Variants in AARS1 observed in about 807,000 individuals in gnomAD.
The protein encoded by AARS1 is alanyl-tRNA synthetase 1.
In AARS1, 72 loss-of-function variants were observed where a neutral mutation model predicts 108.9. The observed-to-expected ratio is 0.66, with a 90% CI of 0.55 to 0.80. AARS1 has a LOEUF of 0.80. Among genes scored for constraint, AARS1 ranks in the 30% least tolerant of loss-of-function variants. The pLI is 0.00. For synonymous variants in AARS1, 489 were observed against 465.7 expected, an observed-to-expected ratio of 1.05 and a Z score of -0.64; for missense variants, 1,193 against 1,233.2, an observed-to-expected ratio of 0.97 and a Z score of 0.49.
chr16:70,259,307 T>G (rs1291522280), intron 13 of AARS1, 121 bp from the exon 14 acceptor site: 4 of 1,065,646 alleles, frequency 3.8e-6, no homozygotes, highest in East Asian at 5.0e-5. Flanking sequence ...GAATAAAGGT[T>G]ACATTTCCCA....
At chr16:70,262,601 G>T in intron 11 of AARS1, 77 bp from the exon 12 acceptor site, 1 of 1,436,766 alleles carries the variant, frequency 7.0e-7, no homozygotes, top group East Asian at 2.4e-5. Context: ...ACTTTTGCTG[G>T]ATTCTCTTTC....
At chr16:70,271,616 A>C (rs1170227916) in intron 5 of AARS1, among the ~76,000 whole-genome samples, 165 bp downstream of exon 5, 1 of 152,188 alleles carries the variant, frequency 6.6e-6, no homozygotes, top group African/African-American at 2.4e-5. Flanking sequence ...ATGTGCGATA[A>C]GGTTTAGTTC....
At chr16:70,255,939 G>C in intron 15 of AARS1, 103 bp from the exon 16 acceptor site, 1 of 1,064,118 alleles carries the variant, frequency 9.4e-7, no homozygotes, top group Non-Finnish European at 1.4e-6. Context: ...TTGACAGTCA[G>C]GGAAAGCCTG....
At chr16:70,286,474 C>T (rs965234047) in intron 1 of AARS1, among the ~76,000 whole-genome samples, 2 of 151,702 alleles carry the variant, frequency 1.3e-5, no homozygotes, top group Non-Finnish European at 2.9e-5. Context: ...GTTCCTCCCA[C>T]CTCAGCCTCC....
chr16:70,276,530 G>A lies in AARS1; in HGVS notation c.435C>T (p.Gly145=). The change falls in exon 4 of 21, where the codon GGC becomes GGT. Residue 145 remains glycine (G), a synonymous_variant. Coordinates refer to ENST00000261772, the MANE Select transcript of AARS1 (RefSeq NM_001605.3). ...GTTTGCATTCCAGATCTGCTTCTAA[G>A]CCAGCTGCTTCATCCCCGCCAAAGT... ...VTYFGGDEAA[G]LEADLECKQI... 1 of 1,614,052 alleles carries A rather than the reference G, an allele frequency of 6.2e-7. No homozygotes were observed. Among genetic ancestry groups the A allele is most frequent in the Non-Finnish European group, 8.5e-7 (1 of 1,180,022 alleles).
chr16:70,277,691 A>G (rs1480931114), intron 2 of AARS1, among the ~76,000 whole-genome samples: 1 of 150,868 alleles, frequency 6.6e-6, no homozygotes, highest in Non-Finnish European at 1.5e-5. Flanking sequence ...TTATTTGTTA[A>G]CTTTGTTTTA....
chr16:70,265,624 G>C lies in AARS1; in HGVS notation c.1261C>G (p.Pro421Ala), dbSNP rs1157450521. The C allele has an allele frequency of 3.7e-6, 6 of 1,613,864 alleles. No homozygotes were observed. The highest frequency in any genetic ancestry group is 1.7e-5 in the Admixed American group (1 of 59,984). ...GCAATCAGTCCAGTCAGATCCACTGGAAACCCATAGGTGTCATAGAGGAGC... is the reference window on the plus strand; with the variant it reads ...GCAATCAGTCCAGTCAGATCCACTGCAAACCCATAGGTGTCATAGAGGAGC... ...AWLLYDTYGF[P>A]VDLTGLIAEE... The change falls in exon 10 of 21, where the codon CCA (proline) becomes GCA (alanine). Residue 421 changes from proline to alanine, a missense_variant. Transcript: ENST00000261772.
At position 70,268,387 on chromosome 16, in the gene AARS1, A is replaced by C; in HGVS notation, c.963-8T>G. On this transcript the variant is annotated splice_region_variant and splice_polypyrimidine_tract_variant and intron_variant, in intron 7 of 20. Transcript: ENST00000261772. ...ATCCGTCTCAACACATATCTGTAAG[A>C]GGCAAAAACTAGTCCCCAACGTTCC... 1 of 1,613,610 alleles carries C rather than the reference A, an allele frequency of 6.2e-7. No individual in the cohort carries two copies. The highest frequency in any genetic ancestry group is 8.5e-7 in the Non-Finnish European group (1 of 1,179,516).
At chr16:70,268,441 G>C in intron 7 of AARS1, 62 bp from the exon 8 acceptor site, 1 of 1,429,522 alleles carries the variant, frequency 7.0e-7, no homozygotes, top group East Asian at 2.3e-5. Context: ...TGAGTCCCTT[G>C]GAATCCTACC....
chr16:70,271,649 GT>G (rs1960406052), intron 5 of AARS1, 131 bp downstream of exon 5: 1 of 918,796 alleles, frequency 1.1e-6, no homozygotes, highest in Non-Finnish European at 1.7e-6. Context: ...GCCCATCCTT[GT>G]TCCAGAGATC....
chr16:70,272,291 G>A (rs1166745670), intron 4 of AARS1, among the ~76,000 whole-genome samples: 4 of 151,506 alleles, frequency 2.6e-5, no homozygotes, highest in Admixed American at 1.3e-4. Flanking sequence ...GATCACCTGA[G>A]GTTGGGAGTT....
intron 2 of AARS1, among the ~76,000 whole-genome samples, chr16:70,278,355 C>T (rs945606944): frequency 4.0e-5 from 6 of 151,882 alleles, no homozygotes; most frequent in African/African-American, 1.2e-4. Flanking sequence ...CACCTGAGGT[C>T]GGGAGTTCGA....
chr16:70,271,022 T>G (rs960426622), intron 5 of AARS1, among the ~76,000 whole-genome samples: 2 of 150,430 alleles, frequency 1.3e-5, no homozygotes, highest in African/African-American at 2.4e-5. Flanking sequence ...CATGGTGGCA[T>G]GCACCTGTAA....
In AARS1 at chr16:70,289,425, C is replaced by CT. The variant is rs1064794091; in HGVS notation, c.-27_-26insA. On this transcript the variant is annotated 5_prime_UTR_variant, in exon 1 of 21. Coordinates refer to ENST00000261772, the MANE Select transcript of AARS1 (RefSeq NM_001605.3). ...AGCTCTCCGAGGGCGGCCTACCTCT[C>CT]CTAGGGTCGCCGTCCCCAGCTCCTC... 65 of 402,428 alleles carry CT rather than the reference C, an allele frequency of 1.6e-4. No individual in the cohort carries two copies. The highest frequency in any genetic ancestry group is 2.9e-4 in the Non-Finnish European group (58 of 199,956). The allele number at this position is 402,428 out of a possible 1,614,324, so 24.9% of individuals were successfully genotyped here.
intron 1 of AARS1, among the ~76,000 whole-genome samples, chr16:70,286,485 G>A (rs1042841612): frequency 6.6e-6 from 1 of 151,016 alleles, no homozygotes; most frequent in Non-Finnish European, 1.5e-5. Context: ...CTCAGCCTCC[G>A]GAGTAGCTAG....
intron 2 of AARS1, 116 bp from the exon 3 acceptor site, chr16:70,277,270 T>C (rs953798605): frequency 1.1e-5 from 12 of 1,110,554 alleles, no homozygotes; most frequent in Non-Finnish European, 1.6e-5. Flanking sequence ...TTAACATGCC[T>C]GGAATATAGA....
At chr16:70,283,919 GCT>G (rs1240334082) in intron 1 of AARS1, among the ~76,000 whole-genome samples, 5 of 152,128 alleles carry the variant, frequency 3.3e-5, no homozygotes, top group African/African-American at 1.2e-4. Context: ...TGACTTCAAA[GCT>G]CTTTCACAAG....
At chr16:70,270,901 C>T (rs1355059311) in intron 5 of AARS1, among the ~76,000 whole-genome samples, 1 of 148,892 alleles carries the variant, frequency 6.7e-6, no homozygotes, top group Non-Finnish European at 1.5e-5. Flanking sequence ...GTAATACCAG[C>T]ATTTTGGGAG....
At position 70,267,710 on chromosome 16, in the gene AARS1, G is replaced by C; in HGVS notation, c.1171C>G (p.Arg391Gly). 1 of 1,614,120 alleles carries C rather than the reference G, an allele frequency of 6.2e-7. No individual in the cohort carries two copies. The highest frequency in any genetic ancestry group is 8.5e-7 in the Non-Finnish European group (1 of 1,180,022). Residue 391 changes from arginine to glycine, a missense_variant, in exon 9 of 21, where the codon CGC becomes GGC. By Grantham distance (125) the Arg-to-Gly change is moderately radical (BLOSUM62 -2). Transcript: ENST00000261772. ...QFLKTLSRGR[R>G]ILDRKIQSLG... is the part of the protein sequence containing the mutation. ...CTCTGAATTTTCCTGTCCAGGATGC[G>C]ACGCCCTCTGCTGAGAGTCTTGAGA...
Sources: allele counts gnomAD v4.1 joint callset (sites outside exome capture counted in the v4.1 genomes callset), GRCh38; gene constraint gnomAD v4.1.1; transcripts MANE v1.5; gene names NCBI Gene and HGNC (gene_info 2026-07-23, HGNC 2026-07-21).